SYNJ2: variants seen among roughly 807,000 people sequenced by gnomAD.
The protein encoded by SYNJ2 is synaptojanin 2, also known as polyphosphatidylinositol phosphatase SYNJ2.
SYNJ2 carries 116 observed loss-of-function variants against 141.3 expected under a neutral mutation model. The observed-to-expected ratio is 0.82, with a 90% CI of 0.71 to 0.96. SYNJ2 has a LOEUF of 0.96. Ranked by LOEUF, SYNJ2 falls within the 40% of genes least tolerant of loss-of-function variation. The pLI is 0.00. For synonymous variants in SYNJ2, 745 were observed against 777.7 expected (o/e 0.96, Z 0.70); for missense variants, 1,873 against 1,934.8 (o/e 0.97, Z 0.60).
In SYNJ2 at chr6:158,063,677, A is replaced by C. The variant is rs1328745801; in HGVS notation, c.1128-114A>C. 6.3e-6 allele frequency: 4 copies of C among 637,982 alleles called. No individual in the cohort carries two copies. In the East Asian group the frequency reaches 1.1e-4, roughly 18 times the overall value. The allele number at this position is 637,982 out of a possible 1,614,324, so 39.5% of individuals were successfully genotyped here. A position where few individuals can be genotyped will look rare whatever the true frequency, so the allele number is the denominator to read the frequency against. On this transcript the variant is annotated intron_variant, in intron 8 of 26. Transcript: ENST00000355585. ...TCTGTCTCAAAAAAAAAAAAAAAAA[A>C]AAAAAAAAAACCATGTTTCCTTGGG...
At position 158,043,578 on chromosome 6, in the gene SYNJ2, A is replaced by G. The variant is rs1009301277; in HGVS notation, c.795+179A>G. On this transcript the variant is annotated intron_variant, in intron 5 of 26. Coordinates refer to ENST00000355585, the MANE Select transcript of SYNJ2 (RefSeq NM_003898.4). The surrounding 1 kb of genome is among the most constrained non-coding windows in gnomAD (Gnocchi z 4.0). ...AGTGTGCACACGTGTGTGCATATGC[A>G]TGCGTGCGTGTGTGTAGAAAACACA... Among the ~76,000 whole-genome samples the G allele has an allele frequency of 6.6e-5, 10 of 152,150 alleles. No homozygotes were observed. The highest frequency in any genetic ancestry group is 2.4e-4 in the African/African-American group (10 of 41,444).
intron 1 of SYNJ2, among the ~76,000 whole-genome samples, chr6:158,013,908 T>G (rs1189836101): frequency 6.6e-6 from 1 of 152,254 alleles, no homozygotes; most frequent in Non-Finnish European, 1.5e-5. Context: ...TATGTGTGTT[T>G]GATAAACTGT....
chr6:158,063,815 G>C lies in SYNJ2; in HGVS notation c.1152G>C (p.Met384Ile). 1 of 1,613,582 alleles carries C rather than the reference G, an allele frequency of 6.2e-7. No homozygotes were observed. The highest frequency in any genetic ancestry group is 8.5e-7 in the Non-Finnish European group (1 of 1,179,764). The change falls in exon 9 of 27, where the codon ATG becomes ATC. Residue 384 changes from methionine to isoleucine, a missense_variant. By Grantham distance (10) the Met-to-Ile change is conservative. Coordinates refer to ENST00000355585, the MANE Select transcript of SYNJ2 (RefSeq NM_003898.4). ...GTTTTCAGAAAGGCACTTTGCGGAT[G>C]AACTGTCTTGACTGCCTGGACCGAA... ...SPRFQKGTLR[M>I]NCLDCLDRTN... is the part of the protein sequence containing the mutation.
chr6:158,083,679 C>T (rs1034203365), intron 21 of SYNJ2, 82 bp downstream of exon 21: 16 of 1,565,434 alleles, frequency 1.0e-5, no homozygotes, highest in Non-Finnish European at 1.2e-5. Context: ...TCTAAAGCCT[C>T]CCTTGCAGAA....
In SYNJ2 at chr6:158,062,160, C is replaced by A. The variant is rs748121871; in HGVS notation, c.1123C>A (p.Pro375Thr). ...DVFTKGENVSPRFQKGTLRMN... is the reference protein window; with the variant it reads ...DVFTKGENVSTRFQKGTLRMN... ...GTTCACAAAGGGGGAGAACGTCAGT[C>A]CACGGTGAGGCTCGCTGCGCACTGT... Residue 375 changes from proline to threonine, a missense_variant, in exon 8 of 27, where the codon CCA (proline) becomes ACA (threonine). Transcript: ENST00000355585. The A allele has an allele frequency of 1.7e-5, 27 of 1,613,044 alleles. No homozygotes were observed. Among genetic ancestry groups the A allele is most frequent in the Non-Finnish European group, 2.3e-5 (27 of 1,179,624 alleles).
chr6:158,066,062 G>T (rs969531124), intron 11 of SYNJ2, among the ~76,000 whole-genome samples: 2 of 152,130 alleles, frequency 1.3e-5, no homozygotes, highest in African/African-American at 4.8e-5. Context: ...AATGAAATAT[G>T]GTCAGTTACA....
At chr6:158,068,906 C>T (rs192159137) in intron 13 of SYNJ2, among the ~76,000 whole-genome samples, 178 bp downstream of exon 13, 6 of 152,302 alleles carry the variant, frequency 3.9e-5, no homozygotes, top group Admixed American at 2.0e-4. Context: ...TGCACCACCC[C>T]GTTCTTTCCC....
At chr6:158,054,905 ACCATGG>A in intron 5 of SYNJ2, 56 bp from the exon 6 acceptor site, 1 of 1,575,194 alleles carries the variant, frequency 6.3e-7, no homozygotes, top group Non-Finnish European at 8.7e-7. Context: ...AATGGGAAAA[ACCATGG>A]CCTCCTTGGT....
rs1781918520 is a variant in SYNJ2, at chr6:158,071,489, TG to T, written c.1941-111del. 1 of 1,252,246 alleles carries T rather than the reference TG, an allele frequency of 8.0e-7. No individual in the cohort carries two copies. The highest frequency in any genetic ancestry group is 1.5e-5 in the African/African-American group (1 of 66,714). 77.6% of individuals were successfully genotyped at this position (1,252,246 alleles called of 1,614,324 possible). On this transcript the variant is annotated intron_variant, in intron 14 of 26. Coordinates refer to ENST00000355585, the MANE Select transcript of SYNJ2 (RefSeq NM_003898.4). This position sits in a 1 kb window ranked among gnomAD's most constrained non-coding sequence, Gnocchi z 4.3. The stretch of plus-strand genomic sequence containing the variant: ...GGCCACTGTGTTGAGCTGATGATTT[TG>T]GAGCACTCAGAGCAGCAGGTCCCGA...
intron 1 of SYNJ2, among the ~76,000 whole-genome samples, chr6:158,011,656 A>G (rs1196991215): frequency 1.3e-5 from 2 of 152,178 alleles, no homozygotes; most frequent in Non-Finnish European, 2.9e-5. Flanking sequence ...GTAATGCACC[A>G]GGGCAAGGGG....
chr6:158,095,401 G>T (rs954039841), intron 26 of SYNJ2, among the ~76,000 whole-genome samples: 6 of 152,064 alleles, frequency 3.9e-5, no homozygotes, highest in African/African-American at 1.5e-4. Flanking sequence ...GTTTTCATTG[G>T]ACCTGCTGGT....
At position 158,069,642 on chromosome 6, in the gene SYNJ2, T is replaced by C. The variant is rs1182799322; in HGVS notation, c.1909T>C (p.Phe637Leu). Residue 637 changes from phenylalanine to leucine, a missense_variant, in exon 14 of 27, where the codon TTT (phenylalanine) becomes CTT (leucine). Coordinates refer to ENST00000355585, the MANE Select transcript of SYNJ2 (RefSeq NM_003898.4). ...GCTGGTGGGCGTCTGTCTTTATATC[T>C]TTGTACGTCCATACCATGTCCCGTT... ...AQLVGVCLYI[F>L]VRPYHVPFIR... 1.2e-6 allele frequency: 2 copies of C among 1,613,832 alleles called. No individual in the cohort carries two copies. The highest frequency in any genetic ancestry group is 1.7e-6 in the Non-Finnish European group (2 of 1,179,854).
At chr6:158,007,448 G>A (rs1778115945) in intron 1 of SYNJ2, among the ~76,000 whole-genome samples, 1 of 152,182 alleles carries the variant, frequency 6.6e-6, no homozygotes, top group Admixed American at 6.5e-5. Context: ...ACTCTTTGCT[G>A]TCACGCCAGG....
intron 16 of SYNJ2, 101 bp downstream of exon 16, chr6:158,074,839 A>G: frequency 2.2e-6 from 3 of 1,364,796 alleles, no homozygotes; most frequent in Non-Finnish European, 2.0e-6. Flanking sequence ...CCGTGAGTGG[A>G]TTTCACTGTT....
At chr6:158,007,942 C>T (rs1157517695) in intron 1 of SYNJ2, among the ~76,000 whole-genome samples, 1 of 152,190 alleles carries the variant, frequency 6.6e-6, no homozygotes, top group Non-Finnish European at 1.5e-5. Flanking sequence ...GCTCCCACCA[C>T]CACGCCTGGC....
At chr6:158,063,533 C>T (rs1455632552) in intron 8 of SYNJ2, among the ~76,000 whole-genome samples, 1 of 151,910 alleles carries the variant, frequency 6.6e-6, no homozygotes, top group African/African-American at 2.4e-5. Context: ...ATGGCACGCA[C>T]CTGTAGTCCC....
intron 12 of SYNJ2, chr6:158,067,509 A>C: frequency 2.0e-6 from 2 of 985,484 alleles, no homozygotes; most frequent in Non-Finnish European, 2.4e-6. Context: ...TTAGGATCTG[A>C]AGAATAAATG....
intron 1 of SYNJ2, chr6:158,016,952 C>G (rs771421122): frequency 3.1e-5 from 37 of 1,184,106 alleles, no homozygotes; most frequent in Non-Finnish European, 3.9e-5. Context: ...CCCCAGGACC[C>G]CAGCTCCTCC....
At chr6:158,054,307 A>C (rs1382919115) in intron 5 of SYNJ2, among the ~76,000 whole-genome samples, 1 of 152,178 alleles carries the variant, frequency 6.6e-6, no homozygotes, top group East Asian at 1.9e-4. Flanking sequence ...CCATCCATCC[A>C]TCTATTCACC....
Sources: gnomAD v4.1 joint callset for allele counts (sites outside exome capture counted in the v4.1 genomes callset) on GRCh38, gnomAD v4.1.1 for gene constraint, Gnocchi (gnomAD v3.1) non-coding constraint, MANE v1.5 for transcripts, NCBI Gene and HGNC (gene_info 2026-07-23, HGNC 2026-07-21) for gene names.